MTHFD1: variants seen among roughly 807,000 people sequenced by gnomAD.
The protein encoded by MTHFD1 is methylenetetrahydrofolate dehydrogenase, cyclohydrolase and formyltetrahydrofolate synthetase 1, also known as C-1-tetrahydrofolate synthase, cytoplasmic.
Under a neutral mutation model 110.3 loss-of-function variants are expected in MTHFD1, and 44 were observed. That is an observed-to-expected ratio of 0.40 (90% CI 0.31 to 0.51). The LOEUF is 0.51. Among genes scored for constraint, MTHFD1 ranks in the 20% least tolerant of loss-of-function variants. The probability of loss-of-function intolerance (pLI) is 0.60; values close to 1 mark genes in which losing one functional copy is unlikely to be tolerated. For missense variants in MTHFD1, 909 were observed against 1,173.1 expected (o/e 0.77, Z 3.29); for synonymous variants, 402 against 428.8 (o/e 0.94, Z 0.77).
At chr14:64,388,593 T>G (rs1336129306) in intron 1 of MTHFD1, 125 bp downstream of exon 1, 2 of 851,836 alleles carry the variant, frequency 2.3e-6, no homozygotes, top group East Asian at 2.6e-5. Context: ...CCATAACACC[T>G]GAAGACCTGC....
chr14:64,442,227 G>A (rs1197168551), intron 20 of MTHFD1, 36 bp from the exon 21 acceptor site: 1 of 1,614,166 alleles, frequency 6.2e-7, no homozygotes, highest in Non-Finnish European at 8.5e-7. Context: ...CAGGGGAATT[G>A]GGATGGCATT....
At chr14:64,422,542 T>C (rs1349755113) in intron 8 of MTHFD1, among the ~76,000 whole-genome samples, 3 of 152,098 alleles carry the variant, frequency 2.0e-5, no homozygotes, top group Non-Finnish European at 2.9e-5. Context: ...TTACTAAAGA[T>C]AAATTGAGAA....
intron 23 of MTHFD1, chr14:64,449,142 T>G: frequency 2.3e-6 from 1 of 427,844 alleles, no homozygotes; most frequent in Non-Finnish European, 4.4e-6. Flanking sequence ...CCTTCTGGAG[T>G]GCTGGGAATT....
At position 64,419,822 on chromosome 14, in the gene MTHFD1, A is replaced by G. The variant is rs1283298528; in HGVS notation, c.624A>G (p.Lys208=). 28 of 1,612,366 alleles carry G rather than the reference A, an allele frequency of 1.7e-5. No individual in the cohort carries two copies. Among genetic ancestry groups the G allele is most frequent in the Non-Finnish European group, 2.2e-5 (26 of 1,178,496 alleles). ...AAATCCCCTACCCCTAGGTAAATAA[A>G]GGTGACATCCTGGTGGTTGCAACTG... ...KTAHLDEEVN[K]GDILVVATGQ... The change falls in exon 8 of 28, where the codon AAA becomes AAG. Residue 208 remains lysine (K), a synonymous_variant. Transcript: ENST00000652337.
chr14:64,443,829 T>C (rs1019327321), intron 21 of MTHFD1, among the ~76,000 whole-genome samples: 3 of 152,172 alleles, frequency 2.0e-5, no homozygotes, highest in African/African-American at 7.2e-5. Flanking sequence ...ATGCTGTGCA[T>C]GGAGGGGAAC....
At chr14:64,459,688 A>G in intron 27 of MTHFD1, 71 bp from the exon 28 acceptor site, 1 of 1,300,358 alleles carries the variant, frequency 7.7e-7, no homozygotes, top group Non-Finnish European at 1.0e-6. Flanking sequence ...GTAATGGTGC[A>G]GTATGGAAGG....
rs769436905 is a variant in MTHFD1 at position 64,431,514 on chromosome 14, G to C, written c.1312-18G>C. On this transcript the variant is annotated intron_variant, in intron 13 of 27. Transcript: ENST00000652337. Reference sequence around the variant, plus strand: ...ACAGAGCAGCTGGGAGACTAATGTGGCTTCTGTTCTTTTGTAGTTTAATCT... The same window carrying C: ...ACAGAGCAGCTGGGAGACTAATGTGCCTTCTGTTCTTTTGTAGTTTAATCT... The C allele has an allele frequency of 7.5e-6, 12 of 1,591,968 alleles. No individual in the cohort carries two copies. The highest frequency in any genetic ancestry group is 1.7e-6 in the Non-Finnish European group (2 of 1,160,582).
intron 17 of MTHFD1, 37 bp from the exon 18 acceptor site, chr14:64,440,089 C>G (rs780167840): frequency 4.4e-6 from 7 of 1,599,454 alleles, no homozygotes; most frequent in Non-Finnish European, 6.0e-6. Context: ...TGGTTTAACA[C>G]AAAGTTTTTG....
At chr14:64,427,504 CA>C (rs1195766955) in intron 12 of MTHFD1, 31 bp downstream of exon 12, 1 of 1,612,800 alleles carries the variant, frequency 6.2e-7, no homozygotes, top group South Asian at 1.1e-5. Context: ...TGGGTGGTGA[CA>C]GGGGACCTGC....
chr14:64,447,961 C>CTTTTTTT, intron 22 of MTHFD1: 1 of 523,264 alleles, frequency 1.9e-6, no homozygotes, highest in Non-Finnish European at 3.4e-6. Context: ...CATACCAGCT[C>CTTTTTTT]TTTTTTTCTT....
intron 2 of MTHFD1, among the ~76,000 whole-genome samples, chr14:64,405,484 C>G (rs1028582144): frequency 6.6e-6 from 1 of 152,220 alleles, no homozygotes; most frequent in African/African-American, 2.4e-5. Flanking sequence ...TCACATCTCC[C>G]TGCCTCAGAC....
intron 25 of MTHFD1, among the ~76,000 whole-genome samples, 195 bp from the exon 26 acceptor site, chr14:64,454,528 C>G (rs920400108): frequency 6.6e-6 from 1 of 151,396 alleles, no homozygotes; most frequent in African/African-American, 2.4e-5. Context: ...GAGTACCTAA[C>G]TCCCTCACCC....
chr14:64,441,776 C>T (rs2078251394), intron 19 of MTHFD1: 1 of 558,184 alleles, frequency 1.8e-6, no homozygotes, highest in Non-Finnish European at 3.2e-6. Context: ...GCACTCCAGA[C>T]TGGGCGACAG....
chr14:64,458,520 C>T, intron 27 of MTHFD1: 3 of 578,836 alleles, frequency 5.2e-6, no homozygotes, highest in Non-Finnish European at 9.3e-6. Flanking sequence ...GGAAGAAGCG[C>T]AGCATGGCTT....
At chr14:64,457,189 G>A (rs1275721338) in intron 26 of MTHFD1, among the ~76,000 whole-genome samples, 4 of 152,162 alleles carry the variant, frequency 2.6e-5, no homozygotes, top group Non-Finnish European at 5.9e-5. Context: ...TCCTACCATC[G>A]TGTTGCTGAA....
chr14:64,420,909 C>A (rs968677947), intron 8 of MTHFD1, among the ~76,000 whole-genome samples: 15 of 152,194 alleles, frequency 9.9e-5, no homozygotes, highest in African/African-American at 3.6e-4. Context: ...GAGTGGGCTA[C>A]TCTTTCAAAC....
At chr14:64,409,320 T>C (rs1369852298) in intron 2 of MTHFD1, among the ~76,000 whole-genome samples, 1 of 152,148 alleles carries the variant, frequency 6.6e-6, no homozygotes, top group Non-Finnish European at 1.5e-5. Context: ...CTACCTTTCC[T>C]GGAAAACTGA....
intron 15 of MTHFD1, among the ~76,000 whole-genome samples, chr14:64,434,199 CT>C (rs1262723755): frequency 6.6e-6 from 1 of 152,170 alleles, no homozygotes; most frequent in Non-Finnish European, 1.5e-5. Context: ...GATAAAATCA[CT>C]TTTGTCAGAC....
rs1566570834 is a variant in MTHFD1 at position 64,440,187 on chromosome 14, T to C, written c.1736T>C (p.Leu579Pro). 1.2e-6 allele frequency: 2 copies of C among 1,613,964 alleles called. No homozygotes were observed. The highest frequency in any genetic ancestry group is 8.5e-7 in the Non-Finnish European group (1 of 1,179,876). ...IMAVLALTTS[L>P]EDMRERLGKM... ...GCTGTCCTGGCTCTCACCACTTCTC[T>C]AGAAGACATGAGAGAGAGACTGGGC... Residue 579 changes from leucine to proline, a missense_variant, in exon 18 of 28, where the codon CTA (leucine) becomes CCA (proline). Around this residue, in one of 3 missense-constraint regions of MTHFD1, gnomAD observed 482 missense variants for 646.0 expected, o/e 0.75. Coordinates refer to ENST00000652337, the MANE Select transcript of MTHFD1 (RefSeq NM_005956.4).
Sources: allele counts gnomAD v4.1 joint callset (sites outside exome capture counted in the v4.1 genomes callset), GRCh38; gene constraint gnomAD v4.1.1; regional missense constraint gnomAD v4.1.1; transcripts MANE v1.5; gene names NCBI Gene and HGNC (gene_info 2026-07-23, HGNC 2026-07-21).